APPL1: variants seen among roughly 807,000 people sequenced by gnomAD.
APPL1 encodes the protein adaptor protein, phosphotyrosine interacting with PH domain and leucine zipper 1, also known as DCC-interacting protein 13-alpha.
A neutral mutation model predicts 106.8 loss-of-function variants in APPL1; 42 were observed. The ratio of observed to expected loss-of-function variants is 0.39; its 90% confidence interval spans 0.31 to 0.51. APPL1 has a LOEUF of 0.51. Among genes scored for constraint, APPL1 ranks in the 20% least tolerant of loss-of-function variants. The probability of loss-of-function intolerance (pLI) is 0.75; values close to 1 mark genes in which losing one functional copy is unlikely to be tolerated. For missense variants in APPL1, 769 were observed against 858.2 expected (o/e 0.90, Z 1.30); for synonymous variants, 263 against 281.8 (o/e 0.93, Z 0.67).
chr3:57,268,297 C>CA (rs1251166986), intron 20 of APPL1, 101 bp from the exon 21 acceptor site: 11 of 1,228,744 alleles, frequency 9.0e-6, no homozygotes, highest in Middle Eastern at 3.0e-4. Context: ...TGTATAAATG[C>CA]AAAAAAATAT....
chr3:57,232,557 G>T (rs2060692367), intron 1 of APPL1, among the ~76,000 whole-genome samples: 1 of 152,172 alleles, frequency 6.6e-6, no homozygotes, highest in Non-Finnish European at 1.5e-5. Flanking sequence ...GATGTCAAAT[G>T]ACATCATCAA....
chr3:57,260,806 A>G, intron 19 of APPL1, 32 bp downstream of exon 19: 1 of 1,528,980 alleles, frequency 6.5e-7, no homozygotes, highest in Non-Finnish European at 8.8e-7. Context: ...CTCTGTCATA[A>G]CCACTTACTA....
At chr3:57,268,623 C>G (rs957045529) in intron 21 of APPL1, 136 bp downstream of exon 21, 19 of 983,150 alleles carry the variant, frequency 1.9e-5, no homozygotes, top group African/African-American at 1.6e-5. Flanking sequence ...ATGATTCATA[C>G]CATAGCAGAA....
chr3:57,259,011 T>C lies in APPL1; in HGVS notation c.1431-17T>C. ...GGTAACTGACCATGTGTTCATATTT[T>C]CTTCTAAACTTTTTAGGCGTACAAA... On this transcript the variant is annotated splice_polypyrimidine_tract_variant and intron_variant, in intron 15 of 21. Transcript: ENST00000288266. 6.2e-7 allele frequency: 1 copy of C among 1,605,260 alleles called. No homozygotes were observed. Among genetic ancestry groups the C allele is most frequent in the Non-Finnish European group, 8.5e-7 (1 of 1,173,846 alleles).
intron 7 of APPL1, among the ~76,000 whole-genome samples, chr3:57,244,716 C>T (rs550254279): frequency 3.9e-5 from 6 of 152,092 alleles, no homozygotes; most frequent in South Asian, 2.1e-4. Context: ...AGTGGACAGC[C>T]GCCAAAGGAT....
rs1175861889 is a variant in APPL1 at position 57,246,174 on chromosome 3, G to A, written c.573G>A (p.Lys191=). ...GTGCATTAAATACTCTTCAGTACAA[G>A]AAGAAAATAGCATTGTTAGAACCTC... ...YFCALNTLQY[K]KKIALLEPLL... is the part of the protein sequence containing the mutation. The change falls in exon 8 of 22, where the codon AAG becomes AAA. Residue 191 remains lysine (K), a synonymous_variant. Coordinates refer to ENST00000288266, the MANE Select transcript of APPL1 (RefSeq NM_012096.3). 3 of 1,610,970 alleles carry A rather than the reference G, an allele frequency of 1.9e-6. No individual in the cohort carries two copies. The highest frequency in any genetic ancestry group is 1.7e-6 in the Non-Finnish European group (2 of 1,178,926).
intron 19 of APPL1, among the ~76,000 whole-genome samples, chr3:57,266,501 A>G (rs112600618): frequency 1.3e-5 from 2 of 152,292 alleles, no homozygotes; most frequent in African/African-American, 4.8e-5. Flanking sequence ...CATAGTAGCC[A>G]CGAATGATCC....
In APPL1 at chr3:57,257,333, T is replaced by A. The variant is rs2060842531; in HGVS notation, c.1335T>A (p.Ser445=). The A allele has an allele frequency of 6.2e-7, 1 of 1,614,114 alleles. No homozygotes were observed. Among genetic ancestry groups the A allele is most frequent in the African/African-American group, 1.3e-5 (1 of 75,016 alleles). ...ATTTGGCTGCCCTCTCTCTAGATTC[T>A]CTTGTTGCCCCAGACACCCCAATAC... The part of the protein sequence containing the change: ...STNLAALSLD[S]LVAPDTPIQF... Residue 445 remains serine (S), a synonymous_variant, in exon 15 of 22, where the codon TCT becomes TCA. Transcript: ENST00000288266.
chr3:57,248,945 T>C (rs1374539410), intron 10 of APPL1, among the ~76,000 whole-genome samples: 1 of 152,228 alleles, frequency 6.6e-6, no homozygotes, highest in Non-Finnish European at 1.5e-5. Flanking sequence ...GAGAATGCTA[T>C]GAAATATCAT....
chr3:57,227,830 C>G lies in APPL1; in HGVS notation c.-54C>G. The G allele has an allele frequency of 7.1e-7, 1 of 1,407,408 alleles. No homozygotes were observed. Among genetic ancestry groups the G allele is most frequent in the South Asian group, 1.4e-5 (1 of 71,718 alleles). The allele number at this position is 1,407,408 out of a possible 1,614,324, so 87.2% of individuals were successfully genotyped here. A position where few individuals can be genotyped will look rare whatever the true frequency, so the allele number is the denominator to read the frequency against. On this transcript the variant is annotated 5_prime_UTR_variant, in exon 1 of 22. Transcript: ENST00000288266. ...GTCAGCTGCGGCGGGCGGGCCGGCG[C>G]GGGGAGCTGTGGGCGGCAGCTGCGT... is the stretch of plus-strand genomic sequence containing the variant.
At chr3:57,237,427 AT>A (rs1254666706) in intron 2 of APPL1, 64 bp from the exon 3 acceptor site, 3 of 1,094,568 alleles carry the variant, frequency 2.7e-6, no homozygotes, top group Non-Finnish European at 4.0e-6. Context: ...TAAATTAGGT[AT>A]TTAATTAGAA....
Position 57,227,785 on chromosome 3 carries a change from G to T in APPL1, c.-99G>T. 9.1e-7 allele frequency: 1 copy of T among 1,094,010 alleles called. No homozygotes were observed. The allele number at this position is 1,094,010 out of a possible 1,614,324, so 67.8% of individuals were successfully genotyped here. A position where few individuals can be genotyped will look rare whatever the true frequency, so the allele number is the denominator to read the frequency against. ...GCGGGCGGGGACGGCTGCAGCCCTT[G>T]CCGGAGAGGGCGGGCCGGGGTCAGC... On this transcript the variant is annotated 5_prime_UTR_variant, in exon 1 of 22. Transcript: ENST00000288266.
Position 57,273,275 on chromosome 3 carries a change from A to G in APPL1, c.*3588A>G, listed in dbSNP as rs1001872068. 7.2e-5 allele frequency: 11 copies of G among 152,624 alleles called. No individual in the cohort carries two copies. Among genetic ancestry groups the G allele is most frequent in the African/African-American group, 1.2e-4 (5 of 41,454 alleles). 9.5% of individuals were successfully genotyped at this position (152,624 alleles called of 1,614,324 possible). ...GCAGTGTACAATTCAAAATCATGCAATGTTTCACTTTAGAATTGGATTTGA... is the reference window on the plus strand; with the variant it reads ...GCAGTGTACAATTCAAAATCATGCAGTGTTTCACTTTAGAATTGGATTTGA... On this transcript the variant is annotated 3_prime_UTR_variant, in exon 22 of 22. Coordinates refer to ENST00000288266, the MANE Select transcript of APPL1 (RefSeq NM_012096.3).
In APPL1 at chr3:57,264,157, T is replaced by TATA. The variant is rs147401961; in HGVS notation, c.1842+3383_1842+3384insATA. ...CAGTGATGTTGAGGACCTTTTCATA[T>TATA]GCCTGTTTGCCATTTGTATGTCTTC... On this transcript the variant is annotated intron_variant, in intron 19 of 21. Transcript: ENST00000288266. Among the ~76,000 whole-genome samples the TATA allele has an allele frequency of 4.7e-3, 719 of 152,368 alleles. 4 individuals carry two copies. The highest frequency in any genetic ancestry group is 0.016 in the African/African-American group (657 of 41,582).
Position 57,260,096 on chromosome 3 carries a change from AT to A in APPL1, c.1659-16del. The stretch of plus-strand genomic sequence containing the variant: ...CAGCCTAATTAAAATTTGTTTTCCA[AT>A]TTTTAAATTATTATTTTAGGTTAAT... On this transcript the variant is annotated intron_variant, in intron 17 of 21. Transcript: ENST00000288266. The A allele has an allele frequency of 6.2e-7, 1 of 1,606,284 alleles. No individual in the cohort carries two copies. The highest frequency in any genetic ancestry group is 8.5e-7 in the Non-Finnish European group (1 of 1,177,756).
At position 57,253,484 on chromosome 3, in the gene APPL1, CCTT is replaced by C. The variant is rs908027319; in HGVS notation, c.1096-197_1096-195del. 2.0e-4 allele frequency among the ~76,000 whole-genome samples: 30 copies of C among 151,430 alleles called. 1 individual carries two copies. The highest frequency in any genetic ancestry group is 1.5e-5 in the Non-Finnish European group (1 of 67,848). On this transcript the variant is annotated intron_variant, in intron 12 of 21. Transcript: ENST00000288266. ...ATATATATTTATATATATGCACCCTCCTTATGAAATGTTTTCTTATAAGGAAGA... is the reference window on the plus strand; with the variant it reads ...ATATATATTTATATATATGCACCCTCATGAAATGTTTTCTTATAAGGAAGA...
chr3:57,246,131 C>T lies in APPL1; in HGVS notation c.530C>T (p.Thr177Ile), dbSNP rs764338687. ...ACATCCAGAAAGAAACAACACCAGA[C>T]CATGATGCATTATTTTTGTGCATTA... ...VYTSRKKQHQ[T>I]MMHYFCALNT... The change falls in exon 8 of 22, where the codon ACC becomes ATC. Residue 177 changes from threonine to isoleucine, a missense_variant. Transcript: ENST00000288266. 1 of 1,611,744 alleles carries T rather than the reference C, an allele frequency of 6.2e-7. No homozygotes were observed. The highest frequency in any genetic ancestry group is 1.7e-5 in the Admixed American group (1 of 59,800).
intron 2 of APPL1, among the ~76,000 whole-genome samples, chr3:57,236,055 T>A (rs1303025089): frequency 2.0e-5 from 3 of 151,620 alleles, no homozygotes; most frequent in Non-Finnish European, 4.4e-5. Flanking sequence ...TTTTTTTTTT[T>A]TTTTTTGAGA....
At chr3:57,260,361 T>C (rs1488908417) in intron 18 of APPL1, 7 of 587,072 alleles carry the variant, frequency 1.2e-5, no homozygotes, top group Non-Finnish European at 1.9e-5. Flanking sequence ...ACAATTCTTT[T>C]TGTAATTTTT....
Sources: allele counts gnomAD v4.1 joint callset (sites outside exome capture counted in the v4.1 genomes callset), GRCh38; gene constraint gnomAD v4.1.1; transcripts MANE v1.5; gene names NCBI Gene and HGNC (gene_info 2026-07-23, HGNC 2026-07-21).